The following PUS7 variants were observed in gnomAD, a reference collection of about 807,000 sequenced individuals.
PUS7 encodes pseudouridine synthase 7, also known as pseudouridylate synthase 7 homolog.
Under a neutral mutation model 79.8 loss-of-function variants are expected in PUS7, and 48 were observed. The ratio of observed to expected loss-of-function variants is 0.60; its 90% CI spans 0.48 to 0.76. PUS7 has a LOEUF of 0.76. Among genes scored for constraint, PUS7 ranks in the 30% least tolerant of loss-of-function variants. The pLI is 0.00. For synonymous variants in PUS7, 286 were observed against 272.2 expected, an observed-to-expected ratio of 1.05 and a Z score of -0.50; for missense variants, 729 against 797.6, an observed-to-expected ratio of 0.91 and a Z score of 1.04.
At position 105,519,821 on chromosome 7, in the gene PUS7, A is replaced by G. The variant is rs576122809; in HGVS notation, c.-33+2231T>C. Among the ~76,000 whole-genome samples the G allele has an allele frequency of 1.1e-4, 17 of 152,298 alleles. No homozygotes were observed. The East Asian group carries it at 2.9e-3, about 26-fold the overall frequency. On this transcript the variant is annotated intron_variant, in intron 1 of 15. Transcript: ENST00000469408. Reference sequence around the variant, plus strand: ...TTCAGTGATGCCTCGTCTAAGGAGGAGACTTCTGAGCAAAGACAAGGAAGA... The same window carrying G: ...TTCAGTGATGCCTCGTCTAAGGAGGGGACTTCTGAGCAAAGACAAGGAAGA...
intron 14 of PUS7, among the ~76,000 whole-genome samples, chr7:105,460,576 C>T (rs1027672004): frequency 2.3e-4 from 35 of 151,794 alleles, no homozygotes; most frequent in Non-Finnish European, 2.5e-4. Context: ...TTTTTGAGGC[C>T]GGGCGCGGTG....
chr7:105,504,649 A>G (rs1236465379), intron 4 of PUS7, among the ~76,000 whole-genome samples: 1 of 152,210 alleles, frequency 6.6e-6, no homozygotes, highest in Non-Finnish European at 1.5e-5. Flanking sequence ...AGACAATAGT[A>G]AATTTTACCA....
intron 1 of PUS7, among the ~76,000 whole-genome samples, chr7:105,518,395 CTTGT>C (rs10547580): frequency 0.067 from 10,128 of 151,866 alleles, 1,109 homozygotes; most frequent in African/African-American, 0.23. Context: ...ACAACAGTCT[CTTGT>C]TTGTTTATTT....
chr7:105,509,211 A>AAAAAAAAAT (rs1825609543), intron 1 of PUS7, among the ~76,000 whole-genome samples: 2 of 143,110 alleles, frequency 1.4e-5, no homozygotes, highest in African/African-American at 5.2e-5. Context: ...AAAAAAAAAA[A>AAAAAAAAAT]GGAAAGAAGT....
At chr7:105,503,484 T>G (rs1034583568) in intron 4 of PUS7, among the ~76,000 whole-genome samples, 1 of 152,134 alleles carries the variant, frequency 6.6e-6, no homozygotes, top group Non-Finnish European at 1.5e-5. Flanking sequence ...AGCGTGTGAG[T>G]GCATCTCATA....
chr7:105,501,968 AAATATAT>A lies in PUS7; in HGVS notation c.730+445_730+451del, dbSNP rs1261187701. ...AGACTCCGTCTCAAAAAAAAAAAAA[AAATATAT>A]ATATATATATATATATAGGGGCCTT... On this transcript the variant is annotated intron_variant, in intron 5 of 15. Transcript: ENST00000469408. Among the ~76,000 whole-genome samples the A allele has an allele frequency of 7.7e-3, 767 of 99,466 alleles. 12 individuals are homozygous for A. The highest frequency in any genetic ancestry group is 0.047 in the East Asian group (170 of 3,582). The allele number at this position is 99,466 out of a possible 152,430, so 65.3% of individuals were successfully genotyped here.
chr7:105,494,189 A>G (rs1215360884), intron 6 of PUS7, among the ~76,000 whole-genome samples: 1 of 152,194 alleles, frequency 6.6e-6, no homozygotes, highest in African/African-American at 2.4e-5. Context: ...TAGGCTTTCA[A>G]AAGAGAAAGT....
chr7:105,512,711 C>G (rs879041082), intron 1 of PUS7, among the ~76,000 whole-genome samples: 2 of 152,126 alleles, frequency 1.3e-5, no homozygotes, highest in Admixed American at 6.6e-5. Context: ...GGAGTCACAA[C>G]CTGAAAACCA....
At chr7:105,496,222 T>TAGAGAGAGAGAGAGAGAG (rs1203551594) in intron 5 of PUS7, among the ~76,000 whole-genome samples, 2 of 85,044 alleles carry the variant, frequency 2.4e-5, no homozygotes, top group East Asian at 3.7e-4. Context: ...TATATATATA[T>TAGAGAGAGAGAGAGAGAG]ATATAGAGAG....
intron 2 of PUS7, among the ~76,000 whole-genome samples, chr7:105,507,779 T>C (rs1825531093): frequency 6.6e-6 from 1 of 152,098 alleles, no homozygotes; most frequent in African/African-American, 2.4e-5. Flanking sequence ...TGACCTCAAG[T>C]GATCCGCCAG....
At chr7:105,459,794 C>T (rs1823339429) in intron 14 of PUS7, among the ~76,000 whole-genome samples, 1 of 152,012 alleles carries the variant, frequency 6.6e-6, no homozygotes, top group Admixed American at 6.6e-5. Flanking sequence ...CAACTGGGGC[C>T]AGGCATGGTG....
At chr7:105,463,018 C>T (rs943179327) in intron 13 of PUS7, among the ~76,000 whole-genome samples, 1 of 152,100 alleles carries the variant, frequency 6.6e-6, no homozygotes, top group Admixed American at 6.6e-5. Flanking sequence ...GTTCCCAAGC[C>T]AACTACAAAA....
At chr7:105,494,402 ATTTTTTTTTT>A (rs756519297) in intron 6 of PUS7, among the ~76,000 whole-genome samples, 10 of 87,794 alleles carry the variant, frequency 1.1e-4, no homozygotes, top group East Asian at 8.1e-4. Context: ...ATGATCAGTG[ATTTTTTTTTT>A]TTTTTTTTTT....
chr7:105,462,611 G>A lies in PUS7; in HGVS notation c.1757+10C>T. ...AATTCAGTTCTATCTCATTCTAGAT[G>A]ATTACTCACCAGCTAACATTCTGAG... is the stretch of plus-strand genomic sequence containing the variant. On this transcript the variant is annotated intron_variant, in intron 14 of 15. Transcript: ENST00000469408. 2 of 1,613,230 alleles carry A rather than the reference G, an allele frequency of 1.2e-6. No individual in the cohort carries two copies. The highest frequency in any genetic ancestry group is 1.7e-6 in the Non-Finnish European group (2 of 1,179,732).
At chr7:105,472,263 AAG>A (rs1823905489) in intron 9 of PUS7, 70 bp from the exon 10 acceptor site, 1 of 924,942 alleles carries the variant, frequency 1.1e-6, no homozygotes, top group Non-Finnish European at 1.7e-6. Context: ...CAAATCTTTG[AAG>A]AGTCAACAAA....
chr7:105,460,651 G>A (rs1049496529), intron 14 of PUS7, among the ~76,000 whole-genome samples: 5 of 151,448 alleles, frequency 3.3e-5, no homozygotes, highest in East Asian at 2.0e-4. Flanking sequence ...TCAGGAGATC[G>A]AGACCATCCT....
chr7:105,489,785 T>C (rs1824707920), intron 7 of PUS7, among the ~76,000 whole-genome samples: 1 of 152,162 alleles, frequency 6.6e-6, no homozygotes, highest in Admixed American at 6.5e-5. Flanking sequence ...AAAGAGGAGA[T>C]ACCACCATAA....
At chr7:105,478,141 T>C (rs931974369) in intron 9 of PUS7, among the ~76,000 whole-genome samples, 9 of 152,206 alleles carry the variant, frequency 5.9e-5, no homozygotes, top group Admixed American at 1.3e-4. Context: ...TCATTCACGT[T>C]GCAGAATGTA....
chr7:105,505,002 A>ATTTTTTTTTTTTTTTTTTT, intron 4 of PUS7, among the ~76,000 whole-genome samples: 1 of 150,200 alleles, frequency 6.7e-6, no homozygotes, highest in Non-Finnish European at 1.5e-5. Flanking sequence ...AATTTAACAT[A>ATTTTTTTTTTTTTTTTTTT]ATTTTTTTTT....
Sources: gnomAD v4.1 joint callset for allele counts (sites outside exome capture counted in the v4.1 genomes callset) on GRCh38, gnomAD v4.1.1 for gene constraint, MANE v1.5 for transcripts, NCBI Gene and HGNC (gene_info 2026-07-23, HGNC 2026-07-21) for gene names.